The following ADAMTS7 variants were observed in gnomAD, a reference collection of about 807,000 sequenced individuals.
The protein encoded by ADAMTS7 is ADAM metallopeptidase with thrombospondin type 1 motif 7.
Under a neutral mutation model 172.6 loss-of-function variants are expected in ADAMTS7, and 89 were observed. The observed-to-expected ratio is 0.52, with a 90% CI of 0.43 to 0.61. The LOEUF is 0.61. Among genes scored for constraint, ADAMTS7 ranks in the 20% least tolerant of loss-of-function variants. The probability of loss-of-function intolerance (pLI) is 0.00; values close to 1 mark genes in which losing one functional copy is unlikely to be tolerated. For missense variants in ADAMTS7, 1,973 were observed against 2,355.6 expected (o/e 0.84, Z 3.36); for synonymous variants, 885 against 978.4 (o/e 0.90, Z 1.78).
rs1178712234 is a variant in ADAMTS7, at chr15:78,768,179, G to A, written c.2599C>T (p.Pro867Ser). 6.2e-7 allele frequency: 1 copy of A among 1,608,666 alleles called. No homozygotes were observed. Among genetic ancestry groups the A allele is most frequent in the African/African-American group, 1.3e-5 (1 of 74,462 alleles). The change falls in exon 17 of 24, where the codon CCT becomes TCT. Residue 867 changes from proline (P) to serine (S), a missense_variant. By Grantham distance (74) the Pro-to-Ser change is moderately conservative. This residue lies in a region of ADAMTS7 where 771 missense variants were observed against 952.6 expected (regional missense o/e 0.81). Transcript: ENST00000388820. ...DEEHCDPLGR[P>S]DDQQRKCSEQ... ...CTGCACTTCCTCTGTTGGTCATCAG[G>A]CCGGCCCAGGGGGTCACAGTGCTCC...
Position 78,771,890 on chromosome 15 carries a change from C to A in ADAMTS7, c.2132-61G>T. On this transcript the variant is annotated intron_variant, in intron 14 of 23. Coordinates refer to ENST00000388820, the MANE Select transcript of ADAMTS7 (RefSeq NM_014272.5). This position sits in a 1 kb window ranked among gnomAD's most constrained non-coding sequence, Gnocchi z 4.9. The stretch of plus-strand genomic sequence containing the variant: ...GGTGAGAGGGTTGCTTATCCCCACC[C>A]GCTCCCCTCATGTCTCTCCCCACTT... The A allele has an allele frequency of 6.4e-7, 1 of 1,567,398 alleles. No individual in the cohort carries two copies.
chr15:78,763,627 C>T, intron 22 of ADAMTS7, 72 bp downstream of exon 22: 5 of 1,479,598 alleles, frequency 3.4e-6, no homozygotes, highest in Non-Finnish European at 4.5e-6. Context: ...TCCACAGCTC[C>T]TTCACCCAAC....
rs114762273 is a variant in ADAMTS7 at position 78,777,539 on chromosome 15, C to T, written c.1372G>A (p.Asp458Asn). The T allele has an allele frequency of 1.7e-3, 2,773 of 1,609,420 alleles. 52 individuals are homozygous for T. The East Asian group carries it at 0.035, about 20-fold the overall frequency. Residue 458 changes from aspartate (D) to asparagine (N), a missense_variant, in exon 9 of 24, where the codon GAC becomes AAC. By Grantham distance (23) the Asp-to-Asn change is conservative (BLOSUM62 1). This residue lies in a region of ADAMTS7 where 526 missense variants were observed against 662.9 expected (regional missense o/e 0.79). Coordinates refer to ENST00000388820, the MANE Select transcript of ADAMTS7 (RefSeq NM_014272.5). ...LDDPPAKDII[D>N]FPSVPPGVLY... The stretch of plus-strand genomic sequence containing the variant: ...ACGCCAGGTGGCACCGAGGGGAAGT[C>T]GATAATGTCCTTGGCAGGAGGGTCG...
intron 8 of ADAMTS7, among the ~76,000 whole-genome samples, chr15:78,781,116 C>T (rs2055421688): frequency 6.6e-6 from 1 of 152,222 alleles, no homozygotes; most frequent in African/African-American, 2.4e-5. Context: ...GCTTCAGGAC[C>T]AGCCAGGATG....
In ADAMTS7 at chr15:78,762,430, C is replaced by T. The variant is rs374281685; in HGVS notation, c.4876G>A (p.Glu1626Lys). 3.7e-5 allele frequency: 56 copies of T among 1,521,832 alleles called. 1 individual carries two copies. The highest frequency in any genetic ancestry group is 1.4e-4 in the Admixed American group (7 of 48,744). 94.3% of individuals were successfully genotyped at this position (1,521,832 alleles called of 1,614,324 possible). A position where few individuals can be genotyped will look rare whatever the true frequency, so the allele number is the denominator to read the frequency against. Residue 1626 changes from glutamate (E) to lysine (K), a missense_variant, in exon 23 of 24, where the codon GAG (glutamate) becomes AAG (lysine). Glu to Lys is a moderately conservative substitution (Grantham distance 56). Around this residue, in one of 8 missense-constraint regions of ADAMTS7, gnomAD observed 42 missense variants for 78.3 expected, o/e 0.54. Coordinates refer to ENST00000388820, the MANE Select transcript of ADAMTS7 (RefSeq NM_014272.5). ...GGAGGCTCGACGGGCTCACAATCCT[C>T]GGTGCCACACGGCCGGGAGCTCTCA... is the stretch of plus-strand genomic sequence containing the variant. ...WPESSRPCGTEDCEPVEPPRC... is the reference protein window; with the variant it reads ...WPESSRPCGTKDCEPVEPPRC...
rs1039539951 is a variant in ADAMTS7 at position 78,774,441 on chromosome 15, C to A, written c.1877-141G>T. ...CAACATGCTGGAGGCTCCGGCTGGGCTGATAGCTATCTGCAAGGCTGCAGA... is the reference window on the plus strand; with the variant it reads ...CAACATGCTGGAGGCTCCGGCTGGGATGATAGCTATCTGCAAGGCTGCAGA... On this transcript the variant is annotated intron_variant, in intron 12 of 23. Transcript: ENST00000388820. 19 of 1,370,572 alleles carry A rather than the reference C, an allele frequency of 1.4e-5. No individual in the cohort carries two copies. The African/African-American group carries it at 2.6e-4, about 19-fold the overall frequency. The allele number at this position is 1,370,572 out of a possible 1,614,324, so 84.9% of individuals were successfully genotyped here. A position where few individuals can be genotyped will look rare whatever the true frequency, so the allele number is the denominator to read the frequency against.
chr15:78,777,369 C>T (rs1370379065), intron 9 of ADAMTS7, 75 bp downstream of exon 9: 17 of 1,527,454 alleles, frequency 1.1e-5, no homozygotes, highest in Middle Eastern at 1.9e-4. Context: ...CTGGCATCCA[C>T]GGGCTGGTGA....
rs575533011 is a variant in ADAMTS7 at position 78,765,690 on chromosome 15, C to T, written c.4221G>A (p.Pro1407=). The T allele has an allele frequency of 2.3e-5, 37 of 1,610,540 alleles. No homozygotes were observed. The highest frequency in any genetic ancestry group is 1.9e-4 in the South Asian group (17 of 90,958). The change falls in exon 19 of 24, where the codon CCG becomes CCA. Residue 1407 remains proline (P), a synonymous_variant. Transcript: ENST00000388820. ...SLAEAGPPAD[P]LVVRNAGWQA... is the part of the protein sequence containing the mutation. ...GCCAGCCGGCGTTCCTGACAACCAACGGGTCCGCGGGGGGCCCCGCTTCAG... is the reference window on the plus strand; with the variant it reads ...GCCAGCCGGCGTTCCTGACAACCAATGGGTCCGCGGGGGGCCCCGCTTCAG...
rs754958096 is a variant in ADAMTS7 at position 78,776,271 on chromosome 15, C to A, written c.1623G>T (p.Trp541Cys). The A allele has an allele frequency of 6.2e-7, 1 of 1,611,942 alleles. No individual in the cohort carries two copies. The highest frequency in any genetic ancestry group is 2.2e-5 in the East Asian group (1 of 44,878). Residue 541 changes from tryptophan to cysteine, a missense_variant, in exon 11 of 24, where the codon TGG becomes TGT. This residue lies in a region of ADAMTS7 where 526 missense variants were observed against 662.9 expected (regional missense o/e 0.79). Transcript: ENST00000388820. ...AGATGGACCAGGCGCTCCAGCCAGACCAGCCACCATCCACGGCCTCGGGCC... is the reference window on the plus strand; with the variant it reads ...AGATGGACCAGGCGCTCCAGCCAGAACAGCCACCATCCACGGCCTCGGGCC... The part of the protein sequence containing the change: ...GFRPEAVDGG[W>C]SGWSAWSICS...
chr15:78,777,701 T>C (rs1215325552), intron 8 of ADAMTS7, 113 bp from the exon 9 acceptor site: 2 of 1,340,444 alleles, frequency 1.5e-6, no homozygotes, highest in Non-Finnish European at 2.0e-6. Context: ...GCCCTACAAC[T>C]GTAGGAAACT....
chr15:78,789,630 C>G, intron 7 of ADAMTS7, 59 bp downstream of exon 7: 3 of 1,598,292 alleles, frequency 1.9e-6, no homozygotes. Flanking sequence ...TACCCGGTGC[C>G]CCCAGGCTGC....
chr15:78,796,551 A>G, intron 4 of ADAMTS7, 39 bp downstream of exon 4: 1 of 1,554,294 alleles, frequency 6.4e-7, no homozygotes, highest in East Asian at 2.3e-5. Context: ...ACCCCCCAAC[A>G]CCATCCCCGC....
At chr15:78,782,541 C>T (rs1216327446) in intron 8 of ADAMTS7, among the ~76,000 whole-genome samples, 1 of 152,140 alleles carries the variant, frequency 6.6e-6, no homozygotes, top group East Asian at 1.9e-4. Context: ...CCTTCCAAAA[C>T]TCCACTATGA....
intron 1 of ADAMTS7, among the ~76,000 whole-genome samples, chr15:78,809,765 C>G (rs1270716105): frequency 6.6e-6 from 1 of 152,204 alleles, no homozygotes. Context: ...CAGTGGAAAA[C>G]ACAAGCCTCA....
chr15:78,777,722 CG>C (rs1229335427), intron 8 of ADAMTS7, 134 bp from the exon 9 acceptor site: 5 of 1,195,376 alleles, frequency 4.2e-6, no homozygotes, highest in Non-Finnish European at 5.8e-6. Context: ...CCAGCCTCCC[CG>C]CTCGGCTCAG....
At position 78,811,134 on chromosome 15, in the gene ADAMTS7, G is replaced by T; in HGVS notation, c.87C>A (p.Pro29=). Residue 29 remains proline (P), a synonymous_variant, in exon 1 of 24, where the codon CCC becomes CCA. Coordinates refer to ENST00000388820, the MANE Select transcript of ADAMTS7 (RefSeq NM_014272.5). ...GCGGACACCCACCTGGTGCGGGTCC[G>T]GGGGCGCCGGGAGCCAGAGCGCAGA... ...LLLCALAPGA[P]GPAPGRATEG... 4.9e-6 allele frequency: 6 copies of T among 1,229,204 alleles called. No individual in the cohort carries two copies. Among genetic ancestry groups the T allele is most frequent in the Non-Finnish European group, 6.1e-6 (6 of 986,166 alleles). 76.1% of individuals were successfully genotyped at this position (1,229,204 alleles called of 1,614,324 possible).
In ADAMTS7 at chr15:78,800,379, T is replaced by C. The variant is rs2055706095; in HGVS notation, c.269A>G (p.Glu90Gly). 6.2e-7 allele frequency: 1 copy of C among 1,606,698 alleles called. No homozygotes were observed. Among genetic ancestry groups the C allele is most frequent in the African/African-American group, 1.3e-5 (1 of 74,740 alleles). ...AFYELQYRGR[E>G]LRFNLTANQH... is the part of the protein sequence containing the mutation. ...ATTGGCGGTCAGGTTGAAGCGCAGC[T>C]CGCGCCCGCGGTATTGTAGCTCGTA... Residue 90 changes from glutamate to glycine, a missense_variant, in exon 2 of 24, where the codon GAG (glutamate) becomes GGG (glycine). This residue lies in a region of ADAMTS7 where 306 missense variants were observed against 288.0 expected (regional missense o/e 1.06). Transcript: ENST00000388820.
chr15:78,760,158 C>G (rs866673969), intron 23 of ADAMTS7, among the ~76,000 whole-genome samples: 64 of 151,976 alleles, frequency 4.2e-4, no homozygotes, highest in African/African-American at 1.3e-3. Flanking sequence ...AGTGAGTGGG[C>G]CTTACAGGCC....
chr15:78,766,058 G>C lies in ADAMTS7; in HGVS notation c.3853C>G (p.Pro1285Ala), dbSNP rs1206477933. Residue 1285 changes from proline (P) to alanine (A), a missense_variant, in exon 19 of 24, where the codon CCC (proline) becomes GCC (alanine). This residue lies in a region of ADAMTS7 where 771 missense variants were observed against 952.6 expected (regional missense o/e 0.81). Transcript: ENST00000388820. ...GLGPVDSELW[P>A]TVGVASLLPP... ...AGGAGAGAAGCCACCCCAACAGTGG[G>C]CCACAGTTCACTGTCCACAGGCCCC... 1 of 1,608,032 alleles carries C rather than the reference G, an allele frequency of 6.2e-7. No homozygotes were observed. Among genetic ancestry groups the C allele is most frequent in the East Asian group, 2.3e-5 (1 of 43,260 alleles).
Sources: allele counts gnomAD v4.1 joint callset (sites outside exome capture counted in the v4.1 genomes callset), GRCh38; gene constraint gnomAD v4.1.1; regional missense constraint gnomAD v4.1.1; non-coding constraint Gnocchi (gnomAD v3.1); transcripts MANE v1.5; gene names NCBI Gene and HGNC (gene_info 2026-07-23, HGNC 2026-07-21).